PTPRD: variants seen among roughly 807,000 people sequenced by gnomAD.
The protein encoded by PTPRD is protein tyrosine phosphatase receptor type D.
PTPRD carries 34 observed loss-of-function variants against 214.5 expected under a neutral mutation model. That is an observed-to-expected ratio of 0.16 (90% CI 0.12 to 0.21). PTPRD has a LOEUF of 0.21. Among genes scored for constraint, PTPRD ranks in the 10% least tolerant of loss-of-function variants. PTPRD has a pLI of 1.00. For synonymous variants in PTPRD, 1,128 were observed against 845.7 expected (o/e 1.33, Z -5.79); for missense variants, 2,545 against 2,398.7 (o/e 1.06, Z -1.27).
At chr9:10,081,862 T>G (rs2098243829) in intron 3 of PTPRD, among the ~76,000 whole-genome samples, 1 of 152,122 alleles carries the variant, frequency 6.6e-6, no homozygotes, top group Non-Finnish European at 1.5e-5. Context: ...ATTAATCATT[T>G]GATTACGGTA....
rs139169362 is a variant in PTPRD, at chr9:9,877,876, G to A, written c.-368+60631C>T. 1.6e-3 allele frequency among the ~76,000 whole-genome samples: 236 copies of A among 151,422 alleles called. 2 individuals are homozygous for A. The highest frequency in any genetic ancestry group is 5.6e-3 in the African/African-American group (231 of 41,122). On this transcript the variant is annotated intron_variant, in intron 5 of 45. Transcript: ENST00000381196. The stretch of plus-strand genomic sequence containing the variant: ...TAATCCTGGCTACTTGGGAGGCTGA[G>A]GCAGGAGAATTGCTTTACCCCGGGA...
At chr9:9,977,998 A>T (rs2095417048) in intron 4 of PTPRD, among the ~76,000 whole-genome samples, 1 of 152,118 alleles carries the variant, frequency 6.6e-6, no homozygotes, top group Non-Finnish European at 1.5e-5. Context: ...GTTGCTTCCA[A>T]TCAAACAATG....
At chr9:9,183,632 T>G (rs2099929551) in intron 9 of PTPRD, among the ~76,000 whole-genome samples, 1 of 152,034 alleles carries the variant, frequency 6.6e-6, no homozygotes, top group Admixed American at 6.6e-5. Flanking sequence ...GAATTGAAAC[T>G]AACATGTCCA....
At chr9:10,355,354 T>A (rs1286241791) in intron 2 of PTPRD, among the ~76,000 whole-genome samples, 1 of 149,720 alleles carries the variant, frequency 6.7e-6, no homozygotes, top group African/African-American at 2.5e-5. Flanking sequence ...GTTCAATACT[T>A]TGCTAATGTG....
At chr9:8,746,772 T>G (rs570553957) in intron 11 of PTPRD, among the ~76,000 whole-genome samples, 3 of 152,270 alleles carry the variant, frequency 2.0e-5, no homozygotes, top group Non-Finnish European at 4.4e-5. Context: ...GGCAGGAGGA[T>G]CACTTGAGGT....
At chr9:9,015,028 A>T (rs1459800382) in intron 11 of PTPRD, among the ~76,000 whole-genome samples, 2 of 152,164 alleles carry the variant, frequency 1.3e-5, no homozygotes, top group Non-Finnish European at 2.9e-5. Flanking sequence ...TTATGGATTT[A>T]AAAAAATGTT....
intron 4 of PTPRD, among the ~76,000 whole-genome samples, chr9:10,018,538 CTTTTTTTTTT>C (rs71321214): frequency 9.8e-5 from 7 of 71,126 alleles, no homozygotes; most frequent in South Asian, 7.5e-4. Context: ...AATTACATTT[CTTTTTTTTTT>C]TTTTTTTTTT....
At chr9:10,549,846 G>GA (rs919610384) in intron 2 of PTPRD, among the ~76,000 whole-genome samples, 3 of 152,050 alleles carry the variant, frequency 2.0e-5, no homozygotes, top group Admixed American at 6.5e-5. Context: ...AAAAGGTAAT[G>GA]AAAAAATAAT....
At chr9:10,565,038 C>A (rs775554057) in intron 2 of PTPRD, among the ~76,000 whole-genome samples, 1 of 151,952 alleles carries the variant, frequency 6.6e-6, no homozygotes, top group Non-Finnish European at 1.5e-5. Flanking sequence ...TGAAGGAATT[C>A]CTAATGTAGC....
chr9:10,455,146 C>T (rs929454146), intron 2 of PTPRD, among the ~76,000 whole-genome samples: 2 of 151,850 alleles, frequency 1.3e-5, no homozygotes, highest in East Asian at 1.9e-4. Context: ...CAATGATCTT[C>T]TTGACACAAA....
chr9:9,967,930 A>G (rs1160456461), intron 4 of PTPRD, among the ~76,000 whole-genome samples: 2 of 152,132 alleles, frequency 1.3e-5, no homozygotes, highest in Non-Finnish European at 2.9e-5. Flanking sequence ...TGATACATAA[A>G]CATATTAAGA....
chr9:8,717,772 C>T (rs912910640), intron 12 of PTPRD, among the ~76,000 whole-genome samples: 4 of 152,146 alleles, frequency 2.6e-5, no homozygotes, highest in African/African-American at 7.2e-5. Context: ...TGAGAATCAC[C>T]GTTTTACCGG....
chr9:8,634,755 A>T (rs2096374611), intron 13 of PTPRD, among the ~76,000 whole-genome samples: 1 of 152,032 alleles, frequency 6.6e-6, no homozygotes, highest in Admixed American at 6.6e-5. Context: ...AAAAGGTTAA[A>T]GCAACTATAA....
intron 9 of PTPRD, among the ~76,000 whole-genome samples, chr9:9,202,600 G>T (rs1311466841): frequency 6.6e-6 from 1 of 152,134 alleles, no homozygotes; most frequent in Non-Finnish European, 1.5e-5. Flanking sequence ...TTGGGGGATG[G>T]GGGGTGTAGT....
chr9:8,939,620 T>A (rs2099019002), intron 11 of PTPRD, among the ~76,000 whole-genome samples: 1 of 152,148 alleles, frequency 6.6e-6, no homozygotes, highest in Admixed American at 6.5e-5. Flanking sequence ...TGCTCTGCAC[T>A]GCAAATCTTT....
chr9:9,357,239 G>T (rs1323749040), intron 9 of PTPRD, among the ~76,000 whole-genome samples: 2 of 151,386 alleles, frequency 1.3e-5, no homozygotes, highest in Non-Finnish European at 3.0e-5. Context: ...AATAAAGGAT[G>T]ATGTGCACTA....
intron 11 of PTPRD, among the ~76,000 whole-genome samples, chr9:8,760,775 G>C (rs2094364110): frequency 6.6e-6 from 1 of 152,044 alleles, no homozygotes; most frequent in Admixed American, 6.6e-5. Flanking sequence ...ATTATTCTAG[G>C]AGATCTGGCT....
chr9:9,227,921 C>A (rs1433115432), intron 9 of PTPRD, among the ~76,000 whole-genome samples: 1 of 152,012 alleles, frequency 6.6e-6, no homozygotes, highest in South Asian at 2.1e-4. Flanking sequence ...ATTCCTGGCC[C>A]ACAGAAATGA....
chr9:9,273,523 T>A (rs1191885868), intron 9 of PTPRD, among the ~76,000 whole-genome samples: 1 of 151,276 alleles, frequency 6.6e-6, no homozygotes, highest in Non-Finnish European at 1.5e-5. Context: ...TAAAGTTGGG[T>A]TTATTTACTA....
Sources: gnomAD v4.1 joint callset for allele counts (sites outside exome capture counted in the v4.1 genomes callset) on GRCh38, gnomAD v4.1.1 for gene constraint, MANE v1.5 for transcripts, NCBI Gene and HGNC (gene_info 2026-07-23, HGNC 2026-07-21) for gene names.